ATP2B2: variants seen among roughly 807,000 people sequenced by gnomAD.
ATP2B2 encodes plasma membrane calcium-transporting ATPase 2.
ATP2B2 carries 15 observed loss-of-function variants against 120.0 expected under a neutral mutation model. That is an observed-to-expected ratio of 0.12 (90% CI 0.08 to 0.19). The LOEUF (loss-of-function observed/expected upper bound fraction) is 0.19. Among genes scored for constraint, ATP2B2 ranks in the 10% least tolerant of loss-of-function variants. ATP2B2 has a pLI of 1.00. For synonymous variants in ATP2B2, 694 were observed against 700.3 expected (o/e 0.99, Z 0.14); for missense variants, 1,045 against 1,719.8 (o/e 0.61, Z 6.94).
rs1428299037 is a variant in ATP2B2 at position 10,347,636 on chromosome 3, T to A, written c.2405-1499A>T. Among the ~76,000 whole-genome samples, 1 of 152,140 alleles carries A rather than the reference T, an allele frequency of 6.6e-6. No homozygotes were observed. Among genetic ancestry groups the A allele is most frequent in the Non-Finnish European group, 1.5e-5 (1 of 68,012 alleles). On this transcript the variant is annotated intron_variant, in intron 16 of 22. Coordinates refer to ENST00000360273, the MANE Select transcript of ATP2B2 (RefSeq NM_001001331.4). This position sits in a 1 kb window ranked among gnomAD's most constrained non-coding sequence, Gnocchi z 5.2. ...CCTGGACTCAGCCTCCCCAAGCTTG[T>A]CCCCTTGGGACATTAGGCCTGAGTT...
intron 1 of ATP2B2, among the ~76,000 whole-genome samples, chr3:10,469,786 G>C (rs967684508): frequency 6.6e-6 from 1 of 152,212 alleles, no homozygotes; most frequent in East Asian, 1.9e-4. Flanking sequence ...AGGAGGGGCA[G>C]TCCTTCCTGG....
chr3:10,569,378 G>A (rs760047108), intron 2 of ATP2B2, among the ~76,000 whole-genome samples: 3 of 152,202 alleles, frequency 2.0e-5, no homozygotes, highest in Non-Finnish European at 4.4e-5. Flanking sequence ...GGAAGGTGAA[G>A]TGACTTGCCC....
At position 10,385,277 on chromosome 3, in the gene ATP2B2, G is replaced by A. The variant is rs1391779442; in HGVS notation, c.991C>T (p.Leu331=). ...SNAADSANAS[L]VNGKMQDGNV... ...GCCGTGGGAGACATACCATTGACTA[G>A]GCTGGCATTCGCACTATCTGCAGCA... Residue 331 remains leucine, a synonymous_variant, in exon 8 of 23, where the codon CTA becomes TTA. Transcript: ENST00000360273. The A allele has an allele frequency of 6.2e-7, 1 of 1,613,690 alleles. No homozygotes were observed. The highest frequency in any genetic ancestry group is 1.3e-5 in the African/African-American group (1 of 74,786).
intron 3 of ATP2B2, among the ~76,000 whole-genome samples, chr3:10,405,488 A>T (rs1405228780): frequency 6.6e-6 from 1 of 152,154 alleles, no homozygotes; most frequent in Non-Finnish European, 1.5e-5. Context: ...GTCCGACCCT[A>T]GGAACAACTC....
At chr3:10,377,023 G>A (rs1204461894) in intron 10 of ATP2B2, among the ~76,000 whole-genome samples, 5 of 152,194 alleles carry the variant, frequency 3.3e-5, no homozygotes, top group Admixed American at 1.3e-4. Flanking sequence ...CCATCTCAGG[G>A]AATTCAGCCA....
upstream of ATP2B2, among the ~76,000 whole-genome samples, chr3:10,506,046 T>C (rs2066615318): frequency 6.6e-6 from 1 of 151,932 alleles, no homozygotes; most frequent in Admixed American, 6.5e-5. Flanking sequence ...AGTCGTCCCT[T>C]GCTTTCTGGG....
In ATP2B2 at chr3:10,375,316, G is replaced by T; in HGVS notation, c.1416+114C>A. On this transcript the variant is annotated intron_variant, in intron 11 of 22. Transcript: ENST00000360273. This position sits in a 1 kb window ranked among gnomAD's most constrained non-coding sequence, Gnocchi z 4.2. ...ACATTCTTCTTCCAAGCTCCTAGGG[G>T]GTCTATGGGGCTTCTTCGTTCATCT... 1 of 868,804 alleles carries T rather than the reference G, an allele frequency of 1.2e-6. No individual in the cohort carries two copies. The allele number at this position is 868,804 out of a possible 1,614,324, so 53.8% of individuals were successfully genotyped here. A position where few individuals can be genotyped will look rare whatever the true frequency, so the allele number is the denominator to read the frequency against.
At chr3:10,652,765 A>G (rs961513157) in intron 1 of ATP2B2, among the ~76,000 whole-genome samples, 2 of 152,244 alleles carry the variant, frequency 1.3e-5, no homozygotes, top group Non-Finnish European at 2.9e-5. Flanking sequence ...ACAGTTGAAT[A>G]TTGTTCGGCC....
rs2060310823 is a variant in ATP2B2 at position 10,342,618 on chromosome 3, ACCT to A, written c.2917+131_2917+133del. The A allele has an allele frequency of 9.3e-7, 1 of 1,076,726 alleles. No individual in the cohort carries two copies. The highest frequency in any genetic ancestry group is 1.4e-6 in the Non-Finnish European group (1 of 726,532). 66.7% of individuals were successfully genotyped at this position (1,076,726 alleles called of 1,614,324 possible). On this transcript the variant is annotated intron_variant, in intron 19 of 22. Coordinates refer to ENST00000360273, the MANE Select transcript of ATP2B2 (RefSeq NM_001001331.4). The surrounding 1 kb of genome is among the most constrained non-coding windows in gnomAD (Gnocchi z 4.4). ...GGTGTGACCTTGGGCAACTTACTTG[ACCT>A]CCCTGGGCCTCAATTTCCCCATTAG...
rs372187689 is a variant in ATP2B2, at chr3:10,388,395, G to T, written c.789C>A (p.His263Gln). ...ACATCCGTCCTGAGCCCTCCATCAC[G>T]TGGGTTCCTGGGAAAGGGGACAAAA... ...DKDPMLLSGT[H>Q]VMEGSGRMLV... The change falls in exon 6 of 23, where the codon CAC becomes CAA. Residue 263 changes from histidine to glutamine, a missense_variant. By Grantham distance (24) the His-to-Gln change is conservative. Transcript: ENST00000360273. The T allele has an allele frequency of 1.9e-6, 3 of 1,613,996 alleles. No homozygotes were observed. The highest frequency in any genetic ancestry group is 2.5e-6 in the Non-Finnish European group (3 of 1,180,024).
chr3:10,484,274 G>T (rs927550416), intron 1 of ATP2B2, among the ~76,000 whole-genome samples: 1 of 152,102 alleles, frequency 6.6e-6, no homozygotes, highest in Non-Finnish European at 1.5e-5. Flanking sequence ...TGAACACCTT[G>T]GGGGCAGATC....
At chr3:10,703,938 C>T (rs1239003221) in intron 1 of ATP2B2, among the ~76,000 whole-genome samples, 1 of 152,332 alleles carries the variant, frequency 6.6e-6, no homozygotes, top group African/African-American at 2.4e-5. Flanking sequence ...TAGGAACAGC[C>T]ACTGTGTCCC....
intron 3 of ATP2B2, among the ~76,000 whole-genome samples, chr3:10,403,577 G>C (rs908185265): frequency 6.6e-6 from 1 of 152,198 alleles, no homozygotes; most frequent in Admixed American, 6.5e-5. Flanking sequence ...CAGCCAGGAC[G>C]CACCCAGGCC....
intron 1 of ATP2B2, among the ~76,000 whole-genome samples, chr3:10,453,986 A>T (rs1021304539): frequency 6.7e-6 from 1 of 149,030 alleles, no homozygotes; most frequent in African/African-American, 2.5e-5. Context: ...TCACTCACTG[A>T]CCCTTCCATC....
At chr3:10,568,225 G>A (rs898328081) in intron 2 of ATP2B2, among the ~76,000 whole-genome samples, 6 of 152,220 alleles carry the variant, frequency 3.9e-5, no homozygotes, top group Non-Finnish European at 8.8e-5. Context: ...GGCCACAAAG[G>A]AAGAATGGGG....
intron 1 of ATP2B2, among the ~76,000 whole-genome samples, chr3:10,692,309 C>A (rs1032573703): frequency 6.6e-6 from 1 of 152,214 alleles, no homozygotes; most frequent in African/African-American, 2.4e-5. Context: ...CTATTCCCTG[C>A]CTCTCCCCCC....
chr3:10,421,638 C>T (rs2062984781), intron 2 of ATP2B2, among the ~76,000 whole-genome samples: 2 of 152,210 alleles, frequency 1.3e-5, no homozygotes, highest in Non-Finnish European at 2.9e-5. Flanking sequence ...GATCCGCAAC[C>T]TTCCATGGCT....
chr3:10,481,310 C>G (rs34883), intron 1 of ATP2B2, among the ~76,000 whole-genome samples: 71,281 of 151,776 alleles, frequency 0.47, 18,061 homozygotes, highest in Non-Finnish European at 0.56. Context: ...TCACCCCACC[C>G]CCTCTCTTTT....
chr3:10,347,493 C>T lies in ATP2B2; in HGVS notation c.2405-1356G>A, dbSNP rs939870015. 3.9e-5 allele frequency among the ~76,000 whole-genome samples: 6 copies of T among 152,172 alleles called. No homozygotes were observed. The highest frequency in any genetic ancestry group is 7.4e-5 in the Non-Finnish European group (5 of 68,012). On this transcript the variant is annotated intron_variant, in intron 16 of 22. Coordinates refer to ENST00000360273, the MANE Select transcript of ATP2B2 (RefSeq NM_001001331.4). The surrounding 1 kb of genome is among the most constrained non-coding windows in gnomAD (Gnocchi z 5.2). ...AGTTCCATAACCTGGGGCACTGTGC[C>T]CCCAACCTGCTCCCTTGCAGCTCTA...
Sources: gnomAD v4.1 joint callset for allele counts (sites outside exome capture counted in the v4.1 genomes callset) on GRCh38, gnomAD v4.1.1 for gene constraint, Gnocchi (gnomAD v3.1) non-coding constraint, MANE v1.5 for transcripts, NCBI Gene and HGNC (gene_info 2026-07-23, HGNC 2026-07-21) for gene names.